EXOC2: variants seen among roughly 807,000 people sequenced by gnomAD.
The protein encoded by EXOC2 is SEC5-like 1.
EXOC2 carries 70 observed loss-of-function variants against 131.8 expected under a neutral mutation model. The observed-to-expected ratio is 0.53, with a 90% CI of 0.44 to 0.65. The LOEUF (loss-of-function observed/expected upper bound fraction) is 0.65. EXOC2 is among the 30% of genes least tolerant of loss of function. EXOC2 has a pLI of 0.00. For synonymous variants in EXOC2, 411 were observed against 398.4 expected (o/e 1.03, Z -0.38); for missense variants, 923 against 1,108.6 (o/e 0.83, Z 2.38).
chr6:600,895 TTC>T (rs1438807843), intron 7 of EXOC2, among the ~76,000 whole-genome samples: 2 of 152,172 alleles, frequency 1.3e-5, no homozygotes, highest in African/African-American at 2.4e-5. Flanking sequence ...TAGAGATAAC[TTC>T]TGTCTGTAAA....
chr6:495,169 A>G (rs900719860), intron 25 of EXOC2, among the ~76,000 whole-genome samples: 1 of 135,360 alleles, frequency 7.4e-6, no homozygotes, highest in Non-Finnish European at 1.5e-5. Flanking sequence ...TCTTTCGTCC[A>G]GGCCAGACTG....
In EXOC2 at chr6:659,346, A is replaced by G. The variant is rs182961235; in HGVS notation, c.-43-21485T>C. Among the ~76,000 whole-genome samples, 790 of 152,216 alleles carry G rather than the reference A, an allele frequency of 5.2e-3. 3 individuals are homozygous for G. The highest frequency in any genetic ancestry group is 0.01 in the Middle Eastern group (3 of 294). ...CCAAACTGTCATTAGCGCCCCCAAG[A>G]GTCTTTTTAGGTGTTTTCCCTAACT... On this transcript the variant is annotated intron_variant, in intron 1 of 27. Coordinates refer to ENST00000230449, the MANE Select transcript of EXOC2 (RefSeq NM_018303.6).
chr6:580,680 G>A (rs1227128519), intron 11 of EXOC2, among the ~76,000 whole-genome samples: 1 of 152,080 alleles, frequency 6.6e-6, no homozygotes, highest in Non-Finnish European at 1.5e-5. Flanking sequence ...ATCAGGTTCT[G>A]TGGCAGCTCA....
At chr6:604,691 C>T (rs1014654568) in intron 7 of EXOC2, among the ~76,000 whole-genome samples, 1 of 152,054 alleles carries the variant, frequency 6.6e-6, no homozygotes, top group Non-Finnish European at 1.5e-5. Context: ...TGCGGCCTAT[C>T]TCCTCTCTGA....
At chr6:573,518 C>T (rs1758405644) in intron 12 of EXOC2, among the ~76,000 whole-genome samples, 2 of 152,178 alleles carry the variant, frequency 1.3e-5, no homozygotes, top group East Asian at 3.9e-4. Context: ...TACTCAGCAA[C>T]TTCAGGGGCA....
At chr6:531,133 T>G (rs1217250065) in intron 23 of EXOC2, among the ~76,000 whole-genome samples, 2 of 152,134 alleles carry the variant, frequency 1.3e-5, no homozygotes, top group Non-Finnish European at 2.9e-5. Flanking sequence ...AGCAGGGGAT[T>G]GACAGGATCC....
chr6:578,753 CTG>C (rs1043460861), intron 11 of EXOC2, among the ~76,000 whole-genome samples: 41 of 152,162 alleles, frequency 2.7e-4, no homozygotes, highest in African/African-American at 9.6e-4. Context: ...ATAAAATCCA[CTG>C]TGTTACCAAA....
chr6:489,482 A>G (rs1460846061), intron 26 of EXOC2, among the ~76,000 whole-genome samples: 1 of 152,248 alleles, frequency 6.6e-6, no homozygotes, highest in African/African-American at 2.4e-5. Flanking sequence ...TCTACAGCCA[A>G]TGTCTTGTAA....
intron 1 of EXOC2, chr6:668,942 A>T (rs1763736969): frequency 6.6e-6 from 1 of 152,196 alleles, no homozygotes; most frequent in Admixed American, 6.5e-5. Context: ...GAATCTGTCC[A>T]TGCAGAACCC....
At chr6:498,919 T>C (rs1763886316) in intron 24 of EXOC2, among the ~76,000 whole-genome samples, 1 of 152,160 alleles carries the variant, frequency 6.6e-6, no homozygotes, top group South Asian at 2.1e-4. Context: ...TCTCAAAGTG[T>C]TGGCAAAGCA....
intron 4 of EXOC2, among the ~76,000 whole-genome samples, chr6:620,477 C>A (rs757834593): frequency 2.6e-5 from 4 of 152,292 alleles, no homozygotes; most frequent in Admixed American, 1.3e-4. Flanking sequence ...TAAGATGTGT[C>A]CCCTACCCCA....
intron 22 of EXOC2, among the ~76,000 whole-genome samples, chr6:548,224 AG>A (rs1390537241): frequency 6.6e-6 from 1 of 152,208 alleles, no homozygotes; most frequent in Non-Finnish European, 1.5e-5. Flanking sequence ...AAAACAAGAC[AG>A]GGCCGCCCAC....
At chr6:643,251 C>T (rs1056776929) in intron 1 of EXOC2, among the ~76,000 whole-genome samples, 7 of 152,130 alleles carry the variant, frequency 4.6e-5, no homozygotes, top group African/African-American at 1.7e-4. Context: ...CACTGTTGGT[C>T]ATCCTGACCT....
intron 1 of EXOC2, among the ~76,000 whole-genome samples, chr6:639,967 GGGTA>G (rs1561958728): frequency 2.0e-5 from 3 of 152,168 alleles, no homozygotes; most frequent in Non-Finnish European, 2.9e-5. Flanking sequence ...CCATTTGGAG[GGGTA>G]GTAAATAATT....
chr6:623,150 G>A (rs771113493), intron 4 of EXOC2, among the ~76,000 whole-genome samples: 3 of 152,154 alleles, frequency 2.0e-5, no homozygotes, highest in Non-Finnish European at 2.9e-5. Context: ...TGAACATCCC[G>A]TGCACCACAG....
chr6:644,670 T>C (rs1762499846), intron 1 of EXOC2, among the ~76,000 whole-genome samples: 1 of 152,150 alleles, frequency 6.6e-6, no homozygotes, highest in Non-Finnish European at 1.5e-5. Context: ...TCATGGTCAA[T>C]ATATAAAAAT....
At chr6:562,455 A>T (rs933358154) in intron 17 of EXOC2, among the ~76,000 whole-genome samples, 1 of 152,244 alleles carries the variant, frequency 6.6e-6, no homozygotes, top group Middle Eastern at 3.2e-3. Context: ...CAGCAACGTC[A>T]TCTCTTCTAT....
chr6:544,890 G>A (rs1756751257), intron 22 of EXOC2, among the ~76,000 whole-genome samples: 1 of 152,258 alleles, frequency 6.6e-6, no homozygotes, highest in East Asian at 1.9e-4. Context: ...GCTCACGCCT[G>A]TAATCCCAGC....
At chr6:610,228 T>C (rs1760645982) in intron 6 of EXOC2, 50 bp from the exon 7 acceptor site, 3 of 1,391,016 alleles carry the variant, frequency 2.2e-6, no homozygotes, top group Admixed American at 3.6e-5. Flanking sequence ...TGGGTGGAGA[T>C]ACATTAAATC....
Sources: allele counts gnomAD v4.1 joint callset (sites outside exome capture counted in the v4.1 genomes callset), GRCh38; gene constraint gnomAD v4.1.1; transcripts MANE v1.5; gene names NCBI Gene and HGNC (gene_info 2026-07-23, HGNC 2026-07-21).